KCNC2: variants seen among roughly 807,000 people sequenced by gnomAD.
The protein encoded by KCNC2 is potassium voltage-gated channel subfamily C member 2.
In KCNC2, 21 loss-of-function variants were observed where a neutral mutation model predicts 44.5. The ratio of observed to expected loss-of-function variants is 0.47; its 90% CI spans 0.33 to 0.68. KCNC2 has a LOEUF of 0.68. Ranked by LOEUF, KCNC2 falls within the 30% of genes least tolerant of loss-of-function variation. The pLI is 0.01. For missense variants in KCNC2, 589 were observed against 826.2 expected (o/e 0.71, Z 3.52); for synonymous variants, 391 against 339.1 (o/e 1.15, Z -1.68).
chr12:75,128,802 T>C (rs909733346), intron 2 of KCNC2, among the ~76,000 whole-genome samples: 7 of 152,328 alleles, frequency 4.6e-5, no homozygotes, highest in Admixed American at 1.3e-4. Context: ...GTGAGCCCCA[T>C]TGTCTCTTGA....
intron 2 of KCNC2, among the ~76,000 whole-genome samples, chr12:75,069,127 A>ATTTTTTTTT (rs1231157819): frequency 7.7e-4 from 26 of 33,872 alleles, no homozygotes; most frequent in Non-Finnish European, 1.2e-3. Flanking sequence ...ATTTTATATA[A>ATTTTTTTTT]TCTTTTTTTT....
chr12:75,073,493 A>G (rs1335985646), intron 2 of KCNC2, among the ~76,000 whole-genome samples: 1 of 152,162 alleles, frequency 6.6e-6, no homozygotes, highest in Non-Finnish European at 1.5e-5. Flanking sequence ...AGGCATCAAC[A>G]TGTTTAATAA....
At chr12:75,135,881 T>C (rs1342715962) in intron 2 of KCNC2, among the ~76,000 whole-genome samples, 5 of 152,022 alleles carry the variant, frequency 3.3e-5, no homozygotes. Flanking sequence ...CATGGCCATA[T>C]TCTAATTTAG....
chr12:75,199,650 C>G (rs2031072558), intron 2 of KCNC2, among the ~76,000 whole-genome samples: 1 of 151,774 alleles, frequency 6.6e-6, no homozygotes, highest in Admixed American at 6.6e-5. Context: ...ACTTTGTTTG[C>G]AGATCTCCAA....
At chr12:75,044,040 A>G (rs1880209288) in intron 4 of KCNC2, among the ~76,000 whole-genome samples, 2 of 151,980 alleles carry the variant, frequency 1.3e-5, no homozygotes, top group Admixed American at 6.6e-5. Flanking sequence ...TTACAAAATA[A>G]AAGATGCTCT....
At chr12:75,208,075 A>C in intron 1 of KCNC2, 73 bp from the exon 2 acceptor site, 3 of 1,548,316 alleles carry the variant, frequency 1.9e-6, no homozygotes, top group Non-Finnish European at 2.6e-6. Flanking sequence ...CCCACCACCA[A>C]CCCAGAGCGA....
At chr12:75,137,185 G>A (rs1467491150) in intron 2 of KCNC2, among the ~76,000 whole-genome samples, 1 of 151,936 alleles carries the variant, frequency 6.6e-6, no homozygotes, top group African/African-American at 2.4e-5. Context: ...CTACCTCATT[G>A]ACATTTAAGT....
At chr12:75,045,985 C>T (rs1443027125) in intron 4 of KCNC2, among the ~76,000 whole-genome samples, 1 of 151,472 alleles carries the variant, frequency 6.6e-6, no homozygotes, top group Non-Finnish European at 1.5e-5. Flanking sequence ...GAAATAACAG[C>T]AGAAATCTAT....
At chr12:75,167,759 C>A (rs1465571608) in intron 2 of KCNC2, among the ~76,000 whole-genome samples, 2 of 151,076 alleles carry the variant, frequency 1.3e-5, no homozygotes, top group East Asian at 1.9e-4. Flanking sequence ...TTAATTCAAC[C>A]CAATAATTTT....
At chr12:75,110,968 T>C (rs957374491) in intron 2 of KCNC2, among the ~76,000 whole-genome samples, 41 of 152,150 alleles carry the variant, frequency 2.7e-4, no homozygotes, top group Admixed American at 2.6e-3. Flanking sequence ...TTGTTTTTGA[T>C]ATTTATAAAA....
intron 2 of KCNC2, among the ~76,000 whole-genome samples, chr12:75,106,666 A>G (rs775535710): frequency 3.0e-4 from 45 of 152,288 alleles, no homozygotes; most frequent in Middle Eastern, 6.8e-3. Flanking sequence ...AATAAGATAG[A>G]AGGTAAATAA....
In KCNC2 at chr12:75,042,268, G is replaced by C; in HGVS notation, c.*837C>G. ...TTTCTGGCTAAACAATGCAAGCCTG[G>C]CTGGCAGTTACCTTTCTCTCATGTT... On this transcript the variant is annotated 3_prime_UTR_variant, in exon 5 of 5. Transcript: ENST00000549446. 6.2e-7 allele frequency: 1 copy of C among 1,607,520 alleles called. No individual in the cohort carries two copies. Among genetic ancestry groups the C allele is most frequent in the Non-Finnish European group, 8.5e-7 (1 of 1,176,826 alleles).
intron 2 of KCNC2, among the ~76,000 whole-genome samples, chr12:75,136,208 C>A (rs571254895): frequency 6.6e-6 from 1 of 152,056 alleles, no homozygotes; most frequent in African/African-American, 2.4e-5. Flanking sequence ...AACATTATAG[C>A]ATTAAATGCC....
intron 2 of KCNC2, among the ~76,000 whole-genome samples, chr12:75,064,734 G>A (rs558510983): frequency 6.6e-6 from 1 of 151,986 alleles, no homozygotes; most frequent in Admixed American, 6.6e-5. Flanking sequence ...TGCTAAAAAA[G>A]GTCATGTCCA....
intron 2 of KCNC2, among the ~76,000 whole-genome samples, chr12:75,131,067 T>C (rs1463907912): frequency 6.6e-6 from 1 of 152,114 alleles, no homozygotes; most frequent in Non-Finnish European, 1.5e-5. Flanking sequence ...TTGCAAATTA[T>C]CCACCAAAAT....
chr12:75,198,933 C>G (rs1268538586), intron 2 of KCNC2, among the ~76,000 whole-genome samples: 1 of 151,580 alleles, frequency 6.6e-6, no homozygotes, highest in Non-Finnish European at 1.5e-5. Flanking sequence ...TATTTAGAGT[C>G]AATTAATATT....
intron 2 of KCNC2, among the ~76,000 whole-genome samples, chr12:75,184,636 T>C (rs1247620810): frequency 6.6e-6 from 1 of 152,170 alleles, no homozygotes; most frequent in Non-Finnish European, 1.5e-5. Context: ...CTACCTTATG[T>C]TGCTTGATAA....
intron 2 of KCNC2, among the ~76,000 whole-genome samples, chr12:75,138,218 G>GA (rs1443442277): frequency 2.6e-5 from 4 of 152,040 alleles, no homozygotes; most frequent in Admixed American, 6.6e-5. Flanking sequence ...TTGCCAATGG[G>GA]AAAAAAATCC....
intron 2 of KCNC2, among the ~76,000 whole-genome samples, chr12:75,070,625 TAA>T (rs1166658087): frequency 1.3e-5 from 2 of 151,918 alleles, no homozygotes; most frequent in African/African-American, 2.4e-5. Flanking sequence ...AACAGAACTT[TAA>T]AAAAATATAT....
Sources: gnomAD v4.1 joint callset for allele counts (sites outside exome capture counted in the v4.1 genomes callset) on GRCh38, gnomAD v4.1.1 for gene constraint, MANE v1.5 for transcripts, NCBI Gene and HGNC (gene_info 2026-07-23, HGNC 2026-07-21) for gene names.